Variants in ZBTB20 observed in about 807,000 individuals in gnomAD.
ZBTB20 encodes zinc finger and BTB domain containing 20, also known as zinc finger and BTB domain-containing protein 20.
In ZBTB20, 9 loss-of-function variants were observed where a neutral mutation model predicts 56.9. The ratio of observed to expected loss-of-function variants is 0.16; its 90% CI spans 0.10 to 0.28. The LOEUF (loss-of-function observed/expected upper bound fraction) is 0.28, where lower values mean the gene tolerates loss of function less well. Ranked by LOEUF, ZBTB20 falls within the 10% of genes least tolerant of loss-of-function variation. ZBTB20 has a pLI of 1.00. For missense variants in ZBTB20, 655 were observed against 1,003.0 expected (o/e 0.65, Z 4.69); for synonymous variants, 417 against 420.7 (o/e 0.99, Z 0.11).
At chr3:114,901,161 A>G (rs567970130) in intron 3 of ZBTB20, among the ~76,000 whole-genome samples, 39 of 151,994 alleles carry the variant, frequency 2.6e-4, no homozygotes, top group African/African-American at 9.2e-4. Flanking sequence ...TCCCAGCACT[A>G]TGGGAGGCTG....
At chr3:114,472,083 A>G (rs1177175422) in intron 7 of ZBTB20, among the ~76,000 whole-genome samples, 1 of 152,232 alleles carries the variant, frequency 6.6e-6, no homozygotes, top group Non-Finnish European at 1.5e-5. Flanking sequence ...AAATAAATGT[A>G]AAGTACTAAC....
At chr3:114,861,414 A>G (rs1460097859) in intron 4 of ZBTB20, among the ~76,000 whole-genome samples, 1 of 152,136 alleles carries the variant, frequency 6.6e-6, no homozygotes, top group Non-Finnish European at 1.5e-5. Context: ...AATAAATAAT[A>G]CTTAAAATTT....
chr3:114,390,058 T>G (rs2085680864), intron 7 of ZBTB20, among the ~76,000 whole-genome samples: 1 of 152,102 alleles, frequency 6.6e-6, no homozygotes, highest in African/African-American at 2.4e-5. Flanking sequence ...CTAACCGAAA[T>G]TTTGTGTCCT....
At chr3:114,601,300 A>C (rs2056744038) in intron 6 of ZBTB20, among the ~76,000 whole-genome samples, 1 of 152,068 alleles carries the variant, frequency 6.6e-6, no homozygotes, top group Non-Finnish European at 1.5e-5. Context: ...ATTATCTCGC[A>C]CATGGCAGCA....
At chr3:114,836,415 A>C (rs1040742472) in intron 4 of ZBTB20, among the ~76,000 whole-genome samples, 7 of 152,222 alleles carry the variant, frequency 4.6e-5, no homozygotes, top group African/African-American at 7.2e-5. Flanking sequence ...TGGTTTTCCA[A>C]AGCAAGAACT....
intron 4 of ZBTB20, among the ~76,000 whole-genome samples, chr3:114,828,797 C>T (rs1241485903): frequency 6.6e-6 from 1 of 151,820 alleles, no homozygotes; most frequent in Non-Finnish European, 1.5e-5. Context: ...GAAGGCACTT[C>T]CAATTTGGCT....
At chr3:114,446,945 T>C (rs1470133600) in intron 7 of ZBTB20, among the ~76,000 whole-genome samples, 1 of 152,154 alleles carries the variant, frequency 6.6e-6, no homozygotes, top group Non-Finnish European at 1.5e-5. Context: ...GAGAAGACAT[T>C]CCACTAAGGA....
At chr3:115,139,296 A>G (rs1401264679) in intron 1 of ZBTB20, among the ~76,000 whole-genome samples, 2 of 152,034 alleles carry the variant, frequency 1.3e-5, no homozygotes, top group Non-Finnish European at 2.9e-5. Flanking sequence ...ACTACCATTC[A>G]TACTAGCAAA....
chr3:114,664,399 C>G (rs1456480994), intron 6 of ZBTB20, among the ~76,000 whole-genome samples: 2 of 152,028 alleles, frequency 1.3e-5, no homozygotes, highest in South Asian at 2.1e-4. Flanking sequence ...AGAAGGAGAA[C>G]AGGATTAAAC....
chr3:114,380,191 C>T, intron 10 of ZBTB20, 26 bp downstream of exon 10: 1 of 1,519,816 alleles, frequency 6.6e-7, no homozygotes, highest in South Asian at 1.2e-5. Flanking sequence ...ACTGCAAAGA[C>T]ACCATCACCT....
intron 3 of ZBTB20, among the ~76,000 whole-genome samples, chr3:114,906,295 A>C (rs1317939667): frequency 6.6e-6 from 1 of 151,836 alleles, no homozygotes; most frequent in African/African-American, 2.4e-5. Flanking sequence ...TTTTCATTTG[A>C]ACTCTGTGGA....
At chr3:114,437,271 G>A (rs2090580463) in intron 7 of ZBTB20, among the ~76,000 whole-genome samples, 1 of 152,136 alleles carries the variant, frequency 6.6e-6, no homozygotes, top group Admixed American at 6.5e-5. Context: ...CTTGAGAGAT[G>A]TCATGGTTTA....
chr3:115,120,267 A>T (rs2084145741), intron 1 of ZBTB20, among the ~76,000 whole-genome samples: 1 of 152,132 alleles, frequency 6.6e-6, no homozygotes, highest in African/African-American at 2.4e-5. Context: ...GAGGCTATGT[A>T]TGTGGCGGTA....
At chr3:114,486,035 T>G (rs1302075920) in intron 7 of ZBTB20, among the ~76,000 whole-genome samples, 1 of 148,688 alleles carries the variant, frequency 6.7e-6, no homozygotes, top group African/African-American at 2.5e-5. Flanking sequence ...TCAAAATGTT[T>G]CAAAAGGAAT....
rs2080554149 is a variant in ZBTB20 at position 114,350,258 on chromosome 3, G to A, written c.1804+16C>T. ...TCAGCCCCTGCTGCCAGGCCTCCAG[G>A]TGGGGTGACACTCACCTGTGTGTAC... is the stretch of plus-strand genomic sequence containing the variant. On this transcript the variant is annotated intron_variant, in intron 11 of 11. Transcript: ENST00000675478. 1 of 1,578,320 alleles carries A rather than the reference G, an allele frequency of 6.3e-7. No homozygotes were observed. The highest frequency in any genetic ancestry group is 1.7e-5 in the Admixed American group (1 of 58,352).
intron 5 of ZBTB20, among the ~76,000 whole-genome samples, chr3:114,753,915 G>A (rs1042421990): frequency 2.0e-5 from 3 of 152,130 alleles, no homozygotes; most frequent in African/African-American, 7.2e-5. Flanking sequence ...TGTTTCCACT[G>A]TATTTCTTAT....
At chr3:114,712,890 T>C (rs1227073645) in intron 5 of ZBTB20, among the ~76,000 whole-genome samples, 1 of 152,174 alleles carries the variant, frequency 6.6e-6, no homozygotes, top group Non-Finnish European at 1.5e-5. Context: ...TGTGAGCTTT[T>C]CCGTGTTCAA....
intron 3 of ZBTB20, among the ~76,000 whole-genome samples, chr3:114,943,397 G>GA (rs1434751885): frequency 6.9e-6 from 1 of 145,018 alleles, no homozygotes; most frequent in East Asian, 1.9e-4. Flanking sequence ...AAAACAAAGA[G>GA]AAAAAATAAT....
chr3:114,726,638 C>A (rs973218380), intron 5 of ZBTB20, among the ~76,000 whole-genome samples: 3 of 152,008 alleles, frequency 2.0e-5, no homozygotes, highest in African/African-American at 7.2e-5. Context: ...ATAGGCCGGG[C>A]GCGGTGGCTC....
Sources: allele counts gnomAD v4.1 joint callset (sites outside exome capture counted in the v4.1 genomes callset), GRCh38; gene constraint gnomAD v4.1.1; transcripts MANE v1.5; gene names NCBI Gene and HGNC (gene_info 2026-07-23, HGNC 2026-07-21).